RBFOX1: variants seen among roughly 807,000 people sequenced by gnomAD.
The protein encoded by RBFOX1 is RNA binding fox-1 homolog 1, also known as RNA binding protein fox-1 homolog 1.
In RBFOX1, 8 loss-of-function variants were observed where a neutral mutation model predicts 57.7. The ratio of observed to expected loss-of-function variants is 0.14; its 90% CI spans 0.08 to 0.25. The LOEUF (loss-of-function observed/expected upper bound fraction) is 0.25. Among genes scored for constraint, RBFOX1 ranks in the 10% least tolerant of loss-of-function variants. The probability of loss-of-function intolerance (pLI) is 1.00; values close to 1 mark genes in which losing one functional copy is unlikely to be tolerated. For synonymous variants in RBFOX1, 326 were observed against 222.4 expected (o/e 1.47, Z -4.15); for missense variants, 611 against 548.5 (o/e 1.11, Z -1.14).
chr16:7,703,472 G>C (rs1326730436), intron 14 of RBFOX1, among the ~76,000 whole-genome samples: 1 of 152,194 alleles, frequency 6.6e-6, no homozygotes, highest in East Asian at 1.9e-4. Flanking sequence ...GAAGCATGGG[G>C]AGATGATACT....
chr16:5,364,997 A>G (rs772729669), intron 1 of RBFOX1, among the ~76,000 whole-genome samples: 45 of 152,198 alleles, frequency 3.0e-4, no homozygotes, highest in Non-Finnish European at 4.7e-4. Context: ...GGGTTCTTCA[A>G]GAAGCAAACT....
intron 3 of RBFOX1, among the ~76,000 whole-genome samples, chr16:6,849,999 A>G (rs1256697443): frequency 6.6e-6 from 1 of 152,228 alleles, no homozygotes; most frequent in Non-Finnish European, 1.5e-5. Context: ...GTAGATGAAC[A>G]AAAGTGACAA....
intron 3 of RBFOX1, among the ~76,000 whole-genome samples, chr16:7,041,950 A>G (rs986573351): frequency 6.6e-6 from 1 of 152,208 alleles, no homozygotes; most frequent in Non-Finnish European, 1.5e-5. Context: ...TTGCCTGCAG[A>G]GATTATATAA....
At chr16:6,820,184 A>G (rs1603628749) in intron 3 of RBFOX1, among the ~76,000 whole-genome samples, 1 of 151,958 alleles carries the variant, frequency 6.6e-6, no homozygotes, top group Non-Finnish European at 1.5e-5. Flanking sequence ...CTTCTCCTTC[A>G]CCTTCCATCG....
intron 4 of RBFOX1, among the ~76,000 whole-genome samples, chr16:5,955,117 C>CT (rs1555455814): frequency 2.2e-4 from 1 of 4,610 alleles, no homozygotes; most frequent in African/African-American, 1.0e-3. Flanking sequence ...TCCATCTCTA[C>CT]TAAAAAAAAA....
At chr16:6,234,413 C>T (rs1310189081) in intron 1 of RBFOX1, among the ~76,000 whole-genome samples, 1 of 152,132 alleles carries the variant, frequency 6.6e-6, no homozygotes, top group African/African-American at 2.4e-5. Context: ...AGGATAGGGG[C>T]TATTTTTATT....
chr16:5,860,058 C>T (rs1444233543), intron 3 of RBFOX1, among the ~76,000 whole-genome samples: 1 of 152,132 alleles, frequency 6.6e-6, no homozygotes, highest in African/African-American at 2.4e-5. Context: ...CAGAGAGCAG[C>T]CCAGTAGACA....
At chr16:6,802,770 G>T (rs965334946) in intron 3 of RBFOX1, among the ~76,000 whole-genome samples, 3 of 152,190 alleles carry the variant, frequency 2.0e-5, no homozygotes, top group Non-Finnish European at 4.4e-5. Context: ...GTAAGAATCT[G>T]ATTGTTAGAT....
chr16:7,268,229 C>T (rs971280441), intron 4 of RBFOX1, among the ~76,000 whole-genome samples: 3 of 152,158 alleles, frequency 2.0e-5, no homozygotes, highest in South Asian at 2.1e-4. Flanking sequence ...CCTGTAGTTA[C>T]TGAACTGAAA....
intron 1 of RBFOX1, among the ~76,000 whole-genome samples, chr16:6,179,201 A>G (rs2097041250): frequency 6.6e-6 from 1 of 152,182 alleles, no homozygotes; most frequent in South Asian, 2.1e-4. Flanking sequence ...TGGAGACGAC[A>G]GTGGGGCTGT....
At chr16:7,509,399 TGTGTG>T (rs1157074898) in intron 4 of RBFOX1, among the ~76,000 whole-genome samples, 1 of 51,636 alleles carries the variant, frequency 1.9e-5, no homozygotes, top group Non-Finnish European at 5.7e-5. Context: ...CCTGTGTGTG[TGTGTG>T]TGTGTGTGTG....
At chr16:5,899,776 C>T (rs1354499769) in intron 4 of RBFOX1, among the ~76,000 whole-genome samples, 3 of 152,214 alleles carry the variant, frequency 2.0e-5, no homozygotes, top group Non-Finnish European at 2.9e-5. Context: ...AAAGCTATGG[C>T]GACAGTTCCT....
At chr16:5,687,746 A>G (rs1487744821) in intron 3 of RBFOX1, among the ~76,000 whole-genome samples, 1 of 152,202 alleles carries the variant, frequency 6.6e-6, no homozygotes, top group Non-Finnish European at 1.5e-5. Flanking sequence ...GAAAACTGGA[A>G]GAGTTAGCCT....
At chr16:5,969,956 T>G (rs2059930899) in intron 4 of RBFOX1, among the ~76,000 whole-genome samples, 1 of 152,156 alleles carries the variant, frequency 6.6e-6, no homozygotes, top group South Asian at 2.1e-4. Flanking sequence ...TGACCACATC[T>G]GTTGCTTCGC....
chr16:6,269,514 T>C lies in RBFOX1; in HGVS notation c.-126-47481T>C, dbSNP rs181561737. Among the ~76,000 whole-genome samples, 145 of 152,276 alleles carry C rather than the reference T, an allele frequency of 9.5e-4. No individual in the cohort carries two copies. In the East Asian group the frequency reaches 0.023, roughly 24 times the overall value. ...GAGAGTAAAATGCACGCCATCCTTA[T>C]AGGAGGAAACCCATTTGAAAGAGAA... On this transcript the variant is annotated intron_variant, in intron 1 of 15. Coordinates refer to ENST00000550418, the MANE Select transcript of RBFOX1 (RefSeq NM_018723.4).
chr16:6,191,749 A>C (rs1313838354), intron 1 of RBFOX1, among the ~76,000 whole-genome samples: 19 of 152,136 alleles, frequency 1.2e-4, no homozygotes. Context: ...CATGGCAGAG[A>C]GAATGTTTAT....
intron 2 of RBFOX1, among the ~76,000 whole-genome samples, chr16:6,553,358 G>A (rs193248108): frequency 1.3e-5 from 2 of 152,326 alleles, no homozygotes; most frequent in Non-Finnish European, 1.5e-5. Flanking sequence ...GGGATAATGT[G>A]TGGAGTGTAT....
intron 3 of RBFOX1, among the ~76,000 whole-genome samples, chr16:7,022,668 A>G (rs1719828456): frequency 6.6e-6 from 1 of 152,174 alleles, no homozygotes; most frequent in Non-Finnish European, 1.5e-5. Context: ...TAGAGCTGAC[A>G]TGTAGCAGAT....
chr16:6,475,603 C>T (rs575635481), intron 2 of RBFOX1, among the ~76,000 whole-genome samples: 2 of 152,318 alleles, frequency 1.3e-5, no homozygotes, highest in African/African-American at 2.4e-5. Flanking sequence ...ATCGTATGTT[C>T]TCCCATCTCA....
Sources: gnomAD v4.1 joint callset for allele counts (sites outside exome capture counted in the v4.1 genomes callset) on GRCh38, gnomAD v4.1.1 for gene constraint, MANE v1.5 for transcripts, NCBI Gene and HGNC (gene_info 2026-07-23, HGNC 2026-07-21) for gene names.